STPG2: variants seen among roughly 807,000 people sequenced by gnomAD.
The protein encoded by STPG2 is sperm tail PG-rich repeat containing 2, also known as sperm-tail PG-rich repeat-containing protein 2.
STPG2 carries 56 observed loss-of-function variants against 54.2 expected under a neutral mutation model. The ratio of observed to expected loss-of-function variants is 1.03; its 90% confidence interval spans 0.83 to 1.29. The LOEUF (loss-of-function observed/expected upper bound fraction) is 1.29. Among genes scored for constraint, STPG2 ranks in the 50% most tolerant of loss-of-function variants. STPG2 has a pLI of 0.00. For synonymous variants in STPG2, 200 were observed against 181.8 expected (o/e 1.10, Z -0.81); for missense variants, 596 against 544.9 (o/e 1.09, Z -0.93).
At chr4:97,715,790 A>G (rs1724265719) in intron 9 of STPG2, among the ~76,000 whole-genome samples, 1 of 152,176 alleles carries the variant, frequency 6.6e-6, no homozygotes, top group Non-Finnish European at 1.5e-5. Context: ...ATGGGCAAAG[A>G]CTTCATGACT....
At chr4:97,568,677 G>A (rs982745695) in intron 10 of STPG2, among the ~76,000 whole-genome samples, 3 of 151,866 alleles carry the variant, frequency 2.0e-5, no homozygotes, top group African/African-American at 7.3e-5. Flanking sequence ...CCAAACAAAT[G>A]ACTGAGTCCA....
intron 4 of STPG2, among the ~76,000 whole-genome samples, chr4:97,505,187 C>T (rs541339076): frequency 6.6e-6 from 1 of 152,020 alleles, no homozygotes; most frequent in African/African-American, 2.4e-5. Flanking sequence ...GGAGCTAATG[C>T]TTTCATTTTT....
At chr4:97,724,467 C>T (rs564250354) in intron 9 of STPG2, among the ~76,000 whole-genome samples, 4 of 152,080 alleles carry the variant, frequency 2.6e-5, no homozygotes, top group Admixed American at 6.5e-5. Context: ...ATCCTAGGAA[C>T]GTTATTTTTA....
chr4:98,083,697 C>T (rs1738418791), intron 5 of STPG2, among the ~76,000 whole-genome samples: 1 of 152,156 alleles, frequency 6.6e-6, no homozygotes, highest in Non-Finnish European at 1.5e-5. Flanking sequence ...ACATATCATA[C>T]AATTTACATA....
chr4:97,528,309 T>C (rs1471654364), intron 4 of STPG2, among the ~76,000 whole-genome samples: 1 of 152,186 alleles, frequency 6.6e-6, no homozygotes, highest in African/African-American at 2.4e-5. Flanking sequence ...CAGTTGGTTG[T>C]AGATGTGTGG....
At chr4:97,733,516 C>A (rs569410182) in intron 9 of STPG2, among the ~76,000 whole-genome samples, 32 of 151,830 alleles carry the variant, frequency 2.1e-4, no homozygotes, top group Non-Finnish European at 3.2e-4. Context: ...CAGATAAAAT[C>A]GCAAATTCAC....
At chr4:97,782,167 G>A (rs1228893063) in intron 9 of STPG2, among the ~76,000 whole-genome samples, 4 of 152,206 alleles carry the variant, frequency 2.6e-5, no homozygotes, top group Admixed American at 2.6e-4. Context: ...TGACATGATT[G>A]TATATTTAGA....
intron 9 of STPG2, among the ~76,000 whole-genome samples, chr4:97,748,487 TA>T (rs1376714874): frequency 4.0e-5 from 6 of 151,618 alleles, no homozygotes; most frequent in African/African-American, 1.2e-4. Context: ...TTCAGATTTG[TA>T]AAAATTTCTG....
At chr4:97,959,758 T>C (rs1733817584) in intron 7 of STPG2, among the ~76,000 whole-genome samples, 1 of 152,018 alleles carries the variant, frequency 6.6e-6, no homozygotes, top group South Asian at 2.1e-4. Context: ...AGCTGAATTC[T>C]ACCAGACATT....
intron 9 of STPG2, among the ~76,000 whole-genome samples, chr4:97,831,356 G>T (rs1219554136): frequency 6.6e-6 from 1 of 152,100 alleles, no homozygotes; most frequent in Non-Finnish European, 1.5e-5. Context: ...TAGAATCTCT[G>T]GGACATATTT....
At chr4:97,882,354 C>T (rs1397260149) in intron 8 of STPG2, among the ~76,000 whole-genome samples, 3 of 152,122 alleles carry the variant, frequency 2.0e-5, no homozygotes, top group African/African-American at 7.2e-5. Context: ...AGGTCATTCT[C>T]CCATGTGATA....
chr4:97,850,882 A>G (rs1406868616), intron 8 of STPG2, among the ~76,000 whole-genome samples: 2 of 152,212 alleles, frequency 1.3e-5, no homozygotes, highest in Admixed American at 6.6e-5. Context: ...ATACTGGGTA[A>G]GAAACTAATA....
intron 7 of STPG2, among the ~76,000 whole-genome samples, chr4:97,960,227 C>T (rs1733835513): frequency 6.6e-6 from 1 of 151,982 alleles, no homozygotes; most frequent in Non-Finnish European, 1.5e-5. Context: ...TATGACAAAC[C>T]ACAACCAACA....
At chr4:97,846,158 G>A (rs954916774) in intron 8 of STPG2, among the ~76,000 whole-genome samples, 1 of 152,032 alleles carries the variant, frequency 6.6e-6, no homozygotes, top group African/African-American at 2.4e-5. Flanking sequence ...GTAATCTAGT[G>A]ATGCCTAGGA....
intron 9 of STPG2, among the ~76,000 whole-genome samples, chr4:97,745,815 T>A (rs1425930973): frequency 6.6e-6 from 1 of 151,144 alleles, no homozygotes; most frequent in African/African-American, 2.4e-5. Flanking sequence ...TTTCTCTGAG[T>A]CAATTAAAAA....
At chr4:98,096,924 C>T (rs1738877132) in intron 5 of STPG2, among the ~76,000 whole-genome samples, 1 of 151,948 alleles carries the variant, frequency 6.6e-6, no homozygotes, top group Non-Finnish European at 1.5e-5. Flanking sequence ...CAAGGTTAAC[C>T]CACAAAGAAA....
intron 4 of STPG2, among the ~76,000 whole-genome samples, chr4:97,526,101 G>C (rs1731274784): frequency 6.6e-6 from 1 of 152,026 alleles, no homozygotes; most frequent in African/African-American, 2.4e-5. Flanking sequence ...TTAGCAGTAA[G>C]ATTAGTTTCC....
intron 10 of STPG2, among the ~76,000 whole-genome samples, chr4:97,625,296 ATGCATTT>A (rs1341814027): frequency 2.6e-5 from 4 of 152,144 alleles, no homozygotes; most frequent in African/African-American, 9.7e-5. Context: ...ATTAAAGTAA[ATGCATTT>A]TGGAGGTATA....
intron 4 of STPG2, among the ~76,000 whole-genome samples, chr4:97,471,872 T>C (rs549734100): frequency 6.6e-6 from 1 of 152,318 alleles, no homozygotes; most frequent in South Asian, 2.1e-4. Context: ...TTCAGTTTCA[T>C]ATGACTCGAA....
Sources: allele counts gnomAD v4.1 joint callset (sites outside exome capture counted in the v4.1 genomes callset), GRCh38; gene constraint gnomAD v4.1.1; transcripts MANE v1.5; gene names NCBI Gene and HGNC (gene_info 2026-07-23, HGNC 2026-07-21).